Variants in DLG2 observed in about 807,000 individuals in gnomAD.
DLG2 encodes discs large MAGUK scaffold protein 2.
DLG2 carries 45 observed loss-of-function variants against 132.5 expected under a neutral mutation model. That is an observed-to-expected ratio of 0.34 (90% CI 0.27 to 0.44). DLG2 has a LOEUF of 0.44. DLG2 is among the 20% of genes least tolerant of loss of function. The probability of loss-of-function intolerance (pLI) is 1.00; values close to 1 mark genes in which losing one functional copy is unlikely to be tolerated. For synonymous variants in DLG2, 424 were observed against 419.6 expected, an observed-to-expected ratio of 1.01 and a Z score of -0.13; for missense variants, 1,045 against 1,196.9, an observed-to-expected ratio of 0.87 and a Z score of 1.87.
intron 7 of DLG2, among the ~76,000 whole-genome samples, chr11:84,355,865 C>G (rs1326949187): frequency 1.3e-5 from 2 of 152,092 alleles, no homozygotes; most frequent in Non-Finnish European, 2.9e-5. Flanking sequence ...CAGCATCTTG[C>G]ATAGTGTCCA....
intron 6 of DLG2, among the ~76,000 whole-genome samples, chr11:84,897,290 C>G (rs1351709952): frequency 6.6e-6 from 1 of 151,782 alleles, no homozygotes; most frequent in African/African-American, 2.4e-5. Context: ...ATTTTTACCA[C>G]TACATAGTAT....
chr11:83,516,625 G>T (rs1185103049), intron 21 of DLG2, among the ~76,000 whole-genome samples: 10 of 152,192 alleles, frequency 6.6e-5, no homozygotes, highest in Non-Finnish European at 1.5e-4. Flanking sequence ...AGCCTCAACG[G>T]TCTTTACAAT....
At chr11:84,852,290 C>A (rs1009014396) in intron 6 of DLG2, among the ~76,000 whole-genome samples, 1 of 151,984 alleles carries the variant, frequency 6.6e-6, no homozygotes, top group African/African-American at 2.4e-5. Context: ...ATAAGACAAT[C>A]CAAGGAAAGT....
Position 83,512,692 on chromosome 11 carries a change from C to T in DLG2, c.2193+20016G>A, listed in dbSNP as rs185443652. Among the ~76,000 whole-genome samples, 544 of 152,108 alleles carry T rather than the reference C, an allele frequency of 3.6e-3. 6 individuals are homozygous for T. The highest frequency in any genetic ancestry group is 0.013 in the African/African-American group (527 of 41,490). ...TGCTATCCCTCCCCCTTCCCCCCAC[C>T]CCACAACAGGCCCTGGTGTGTGATG... On this transcript the variant is annotated intron_variant, in intron 21 of 27. Coordinates refer to ENST00000376104, the MANE Select transcript of DLG2 (RefSeq NM_001142699.3).
At chr11:83,965,924 T>G (rs1011063111) in intron 12 of DLG2, among the ~76,000 whole-genome samples, 1 of 152,040 alleles carries the variant, frequency 6.6e-6, no homozygotes, top group African/African-American at 2.4e-5. Context: ...AGTGACTAGT[T>G]GTTTGTAGCA....
intron 6 of DLG2, among the ~76,000 whole-genome samples, chr11:84,786,727 A>T (rs1450834172): frequency 2.0e-5 from 3 of 152,194 alleles, no homozygotes. Context: ...GAATATTTCC[A>T]TTGCAGCAGC....
Position 83,775,971 on chromosome 11 carries a change from A to G in DLG2, c.1825+10719T>C, listed in dbSNP as rs546135792. 3.3e-5 allele frequency among the ~76,000 whole-genome samples: 5 copies of G among 152,302 alleles called. No individual in the cohort carries two copies. The East Asian group carries it at 9.7e-4, about 29-fold the overall frequency. On this transcript the variant is annotated intron_variant, in intron 18 of 27. Transcript: ENST00000376104. ...GCCAGGTGTGGTGGCAGGAGCCTGTAGTCCCAGCTACTCGGGAGGCTGAGG... is the reference window on the plus strand; with the variant it reads ...GCCAGGTGTGGTGGCAGGAGCCTGTGGTCCCAGCTACTCGGGAGGCTGAGG...
chr11:84,791,032 C>T (rs1179824652), intron 6 of DLG2, among the ~76,000 whole-genome samples: 1 of 152,094 alleles, frequency 6.6e-6, no homozygotes, highest in Non-Finnish European at 1.5e-5. Flanking sequence ...ACTGGGGAGG[C>T]CTCAGGAAAC....
At chr11:84,167,820 C>T (rs995830147) in intron 8 of DLG2, among the ~76,000 whole-genome samples, 4 of 152,116 alleles carry the variant, frequency 2.6e-5, no homozygotes, top group Non-Finnish European at 5.9e-5. Flanking sequence ...GCATGCACCA[C>T]CATGCCAAGC....
At chr11:84,968,502 T>C (rs1466551877) in intron 6 of DLG2, among the ~76,000 whole-genome samples, 1 of 152,148 alleles carries the variant, frequency 6.6e-6, no homozygotes, top group Non-Finnish European at 1.5e-5. Context: ...GTCCATGAAC[T>C]CCAATCCAGA....
chr11:84,696,919 T>C lies in DLG2; in HGVS notation c.358-162188A>G, dbSNP rs1473037747. Among the ~76,000 whole-genome samples, 6 of 151,318 alleles carry C rather than the reference T, an allele frequency of 4.0e-5. No individual in the cohort carries two copies. The Admixed American group carries it at 4.0e-4, about 10-fold the overall frequency. On this transcript the variant is annotated intron_variant, in intron 6 of 27. Transcript: ENST00000376104. ...TATAATAATTTTACATATAAGGAAA[T>C]TGAGGCTTAAAATATTAAATAACTT...
chr11:84,181,356 T>C (rs2096122107), intron 8 of DLG2, among the ~76,000 whole-genome samples: 1 of 151,420 alleles, frequency 6.6e-6, no homozygotes, highest in South Asian at 2.1e-4. Flanking sequence ...GAAGTATAAT[T>C]GATATATTAA....
chr11:84,588,669 G>A (rs573519189), intron 6 of DLG2, among the ~76,000 whole-genome samples: 1 of 152,046 alleles, frequency 6.6e-6, no homozygotes, highest in Admixed American at 6.5e-5. Flanking sequence ...GGATAAGATA[G>A]GAGGTTGGCA....
chr11:84,848,860 G>A (rs1479960657), intron 6 of DLG2, among the ~76,000 whole-genome samples: 1 of 152,148 alleles, frequency 6.6e-6, no homozygotes, highest in Non-Finnish European at 1.5e-5. Flanking sequence ...CCTAACTTCT[G>A]GTATCCATAC....
At chr11:84,011,946 G>C (rs1358394012) in intron 11 of DLG2, among the ~76,000 whole-genome samples, 1 of 151,980 alleles carries the variant, frequency 6.6e-6, no homozygotes, top group Non-Finnish European at 1.5e-5. Context: ...ATATAATGTG[G>C]ATTGTATTGT....
intron 3 of DLG2, among the ~76,000 whole-genome samples, chr11:85,295,579 A>G (rs2079162964): frequency 1.3e-5 from 2 of 152,182 alleles, no homozygotes. Flanking sequence ...TTCACATTTG[A>G]CACTTAAGCC....
chr11:85,121,142 A>G (rs1034637034), intron 5 of DLG2, among the ~76,000 whole-genome samples: 1 of 152,054 alleles, frequency 6.6e-6, no homozygotes, highest in Admixed American at 6.6e-5. Context: ...GTAAACCAGT[A>G]TAAAAAAGTA....
intron 9 of DLG2, among the ~76,000 whole-genome samples, chr11:84,160,611 C>T (rs911434490): frequency 4.6e-5 from 7 of 151,868 alleles, no homozygotes; most frequent in African/African-American, 7.3e-5. Flanking sequence ...GGTCAGGGGA[C>T]GGTTACTTAT....
intron 7 of DLG2, among the ~76,000 whole-genome samples, chr11:84,510,476 GACAGA>G (rs527692626): frequency 1.2e-4 from 19 of 152,124 alleles, no homozygotes; most frequent in Middle Eastern, 6.8e-3. Context: ...CTCAAAACAA[GACAGA>G]ACAGAACAAC....
Sources: allele counts gnomAD v4.1 joint callset (sites outside exome capture counted in the v4.1 genomes callset), GRCh38; gene constraint gnomAD v4.1.1; transcripts MANE v1.5; gene names NCBI Gene and HGNC (gene_info 2026-07-23, HGNC 2026-07-21).